POLRMT: variants seen among roughly 807,000 people sequenced by gnomAD.
POLRMT encodes RNA polymerase mitochondrial.
In POLRMT, 114 loss-of-function variants were observed where a neutral mutation model predicts 132.2. The observed-to-expected ratio is 0.86, with a 90% CI of 0.74 to 1.01. The LOEUF (loss-of-function observed/expected upper bound fraction) is 1.01. Ranked by LOEUF, POLRMT falls within the 50% of genes least tolerant of loss-of-function variation. POLRMT has a pLI of 0.00. For missense variants in POLRMT, 2,003 were observed against 1,729.1 expected (o/e 1.16, Z -2.81); for synonymous variants, 1,020 against 773.4 (o/e 1.32, Z -5.29).
chr19:618,258 G>A lies in POLRMT; in HGVS notation c.3422+230C>T, dbSNP rs190023149. On this transcript the variant is annotated intron_variant, in intron 17 of 20. Coordinates refer to ENST00000588649, the MANE Select transcript of POLRMT (RefSeq NM_005035.4). ...TGCCAAGAAATGCCCAGCAGGAAGG[G>A]GCAGCGCCCATGCTCGGCTCTCCCT... 4.9e-4 allele frequency: 276 copies of A among 566,042 alleles called. 1 individual carries two copies. Among genetic ancestry groups the A allele is most frequent in the African/African-American group, 4.7e-3 (251 of 53,502 alleles). The allele number at this position is 566,042 out of a possible 1,614,324, so 35.1% of individuals were successfully genotyped here.
At chr19:620,521 C>T (rs546616967) in intron 10 of POLRMT, 34 bp from the exon 11 acceptor site, 8 of 1,509,018 alleles carry the variant, frequency 5.3e-6, no homozygotes, top group African/African-American at 2.8e-5. Flanking sequence ...CAGTGAGGCC[C>T]GGGCCCGATC....
At position 618,172 on chromosome 19, in the gene POLRMT, G is replaced by A. The variant is rs555256233; in HGVS notation, c.3422+316C>T. On this transcript the variant is annotated intron_variant, in intron 17 of 20. Coordinates refer to ENST00000588649, the MANE Select transcript of POLRMT (RefSeq NM_005035.4). ...CGCATCCTGAGCATTCCCAGCTCCC[G>A]TGGCCGGTAGATTCTGCTGGAACGA... 20 of 548,406 alleles carry A rather than the reference G, an allele frequency of 3.6e-5. 1 individual carries two copies. The highest frequency in any genetic ancestry group is 9.8e-4 in the Middle Eastern group (2 of 2,046). The allele number at this position is 548,406 out of a possible 1,614,324, so 34.0% of individuals were successfully genotyped here.
At chr19:624,344 T>C (rs1984862472) in intron 5 of POLRMT, among the ~76,000 whole-genome samples, 1 of 151,818 alleles carries the variant, frequency 6.6e-6, no homozygotes, top group African/African-American at 2.4e-5. Context: ...CATTCTAGAA[T>C]TAGACAACCG....
rs201473800 is a variant in POLRMT at position 624,763 on chromosome 19, G to A, written c.1096C>T (p.Pro366Ser). The change falls in exon 5 of 21, where the codon CCC becomes TCC. Residue 366 changes from proline to serine, a missense_variant. Pro to Ser is a moderately conservative substitution (Grantham distance 74). Transcript: ENST00000588649. ...PTFSLPPQLP[P>S]PVNTSKLLRD... ...AGCAGCTTGGAGGTGTTGACCGGGG[G>A]CGGCAGCTGCGGCGGGAGGCTGAAG... 1.6e-4 allele frequency: 253 copies of A among 1,613,852 alleles called. No homozygotes were observed. The East Asian group carries it at 5.2e-3, about 33-fold the overall frequency.
intron 16 of POLRMT, 36 bp from the exon 17 acceptor site, chr19:618,622 G>C (rs1984215579): frequency 6.3e-7 from 1 of 1,599,406 alleles, no homozygotes. Context: ...GGGCGGCCCA[G>C]GGACACCCCT....
Position 622,895 on chromosome 19 carries a change from A to C in POLRMT, c.1381T>G (p.Tyr461Asp). ...ETKNRLEREV[Y>D]EGRFSLYPFL... ...GGGTAAAGTGAGAACCGGCCCTCGT[A>C]CACCTCGCGCTCTAGGCGGTTCTTG... is the stretch of plus-strand genomic sequence containing the variant. The change falls in exon 7 of 21, where the codon TAC (tyrosine) becomes GAC (aspartate). Residue 461 changes from tyrosine to aspartate, a missense_variant. Transcript: ENST00000588649. 3.1e-6 allele frequency: 5 copies of C among 1,612,084 alleles called. No individual in the cohort carries two copies. The highest frequency in any genetic ancestry group is 4.2e-6 in the Non-Finnish European group (5 of 1,179,622).
chr19:619,385 G>A, intron 13 of POLRMT, 89 bp from the exon 14 acceptor site: 2 of 1,459,744 alleles, frequency 1.4e-6, no homozygotes, highest in South Asian at 1.2e-5. Flanking sequence ...TGAGGCCCAA[G>A]GCCTAGGGCC....
chr19:621,113 G>C lies in POLRMT; in HGVS notation c.2585C>G (p.Ala862Gly), dbSNP rs534157418. ...GTCATCCATCACCTCCTCCGCAAAG[G>C]CCAGGCGCTTCCGCAGCGGCTCCCG... ...KKREPLRKRL[A>G]FAEEVMDDIL... The change falls in exon 10 of 21, where the codon GCC becomes GGC. Residue 862 changes from alanine (A) to glycine (G), a missense_variant. Coordinates refer to ENST00000588649, the MANE Select transcript of POLRMT (RefSeq NM_005035.4). 3.1e-6 allele frequency: 5 copies of C among 1,609,966 alleles called. No homozygotes were observed. Among genetic ancestry groups the C allele is most frequent in the South Asian group, 2.2e-5 (2 of 90,980 alleles).
chr19:623,645 G>T, intron 5 of POLRMT, 42 bp from the exon 6 acceptor site: 9 of 1,602,360 alleles, frequency 5.6e-6, no homozygotes, highest in Non-Finnish European at 6.8e-6. Flanking sequence ...TTGCCAGAGG[G>T]CGACCTGCCC....
chr19:617,377 CCG>C, intron 20 of POLRMT, 40 bp downstream of exon 20: 1 of 1,612,388 alleles, frequency 6.2e-7, no homozygotes, highest in Non-Finnish European at 8.5e-7. Context: ...CCGCCCTGGC[CCG>C]CAGTTCGAGC....
Position 619,673 on chromosome 19 carries a change from C to T in POLRMT, c.2979G>A (p.Thr993=), listed in dbSNP as rs1454763003. 4 of 1,610,438 alleles carry T rather than the reference C, an allele frequency of 2.5e-6. No individual in the cohort carries two copies. Among genetic ancestry groups the T allele is most frequent in the African/African-American group, 1.3e-5 (1 of 74,846 alleles). Residue 993 remains threonine (T), a synonymous_variant, in exon 13 of 21, where the codon ACG becomes ACA. Transcript: ENST00000588649. ...TGACCCCGTACACCACCGTCATCAC[C>T]GTCTGCTTCACCACCTTGCGGGTGA... is the stretch of plus-strand genomic sequence containing the variant. ...GFITRKVVKQ[T]VMTVVYGVTR...
chr19:627,043 G>A lies in POLRMT; in HGVS notation c.823-1789C>T, dbSNP rs545040809. On this transcript the variant is annotated intron_variant, in intron 3 of 20. Coordinates refer to ENST00000588649, the MANE Select transcript of POLRMT (RefSeq NM_005035.4). The stretch of plus-strand genomic sequence containing the variant: ...TAACTGTAACAGACTATTCCAAAGG[G>A]AAAAAAATTCCCTTACATCCTCCCA... Among the ~76,000 whole-genome samples the A allele has an allele frequency of 1.7e-3, 254 of 151,576 alleles. 1 individual carries two copies. Among genetic ancestry groups the A allele is most frequent in the African/African-American group, 5.8e-3 (242 of 41,380 alleles).
intron 3 of POLRMT, among the ~76,000 whole-genome samples, chr19:628,388 G>C (rs1164837948): frequency 6.6e-6 from 1 of 152,212 alleles, no homozygotes; most frequent in Non-Finnish European, 1.5e-5. Context: ...GCAGCAAGGA[G>C]GAACCAGGCA....
chr19:628,394 AG>A (rs1985172221), intron 3 of POLRMT, among the ~76,000 whole-genome samples: 1 of 152,250 alleles, frequency 6.6e-6, no homozygotes, highest in South Asian at 2.1e-4. Context: ...AGGAGGAACC[AG>A]GCAGCACGCC....
At position 619,478 on chromosome 19, in the gene POLRMT, G is replaced by A. The variant is rs961454465; in HGVS notation, c.3066+108C>T. 1.2e-5 allele frequency: 18 copies of A among 1,465,096 alleles called. No homozygotes were observed. The South Asian group carries it at 2.2e-4, about 18-fold the overall frequency. The allele number at this position is 1,465,096 out of a possible 1,614,324, so 90.8% of individuals were successfully genotyped here. On this transcript the variant is annotated intron_variant, in intron 13 of 20. Coordinates refer to ENST00000588649, the MANE Select transcript of POLRMT (RefSeq NM_005035.4). ...AGCCCTAACAGGCAGCCAGTGGTCTGGGGGAGCAGCCAGGGCTCCTGCTGG... is the reference window on the plus strand; with the variant it reads ...AGCCCTAACAGGCAGCCAGTGGTCTAGGGGAGCAGCCAGGGCTCCTGCTGG...
At chr19:620,564 G>A (rs1054056634) in intron 10 of POLRMT, 77 bp from the exon 11 acceptor site, 113 of 1,438,828 alleles carry the variant, frequency 7.9e-5, no homozygotes, top group Non-Finnish European at 9.2e-5. Flanking sequence ...GTTGCGGGGA[G>A]GTGGGAAATG....
In POLRMT at chr19:618,149, C is replaced by A. The variant is rs1264215446; in HGVS notation, c.3423-300G>T. 1.4e-5 allele frequency: 8 copies of A among 564,178 alleles called. No homozygotes were observed. In the Admixed American group the frequency reaches 1.6e-4, roughly 11 times the overall value. The allele number at this position is 564,178 out of a possible 1,614,324, so 34.9% of individuals were successfully genotyped here. A position where few individuals can be genotyped will look rare whatever the true frequency, so the allele number is the denominator to read the frequency against. On this transcript the variant is annotated intron_variant, in intron 17 of 20. Transcript: ENST00000588649. ...CCCTCCTGCCAGGGCCACCACCCCG[C>A]ATCCTGAGCATTCCCAGCTCCCGTG...
Position 622,896 on chromosome 19 carries a change from C to T in POLRMT, c.1380G>A (p.Val460=), listed in dbSNP as rs763968979. ...RETKNRLERE[V]YEGRFSLYPF... ...GGTAAAGTGAGAACCGGCCCTCGTA[C>T]ACCTCGCGCTCTAGGCGGTTCTTGG... Residue 460 remains valine (V), a synonymous_variant, in exon 7 of 21, where the codon GTG becomes GTA. Coordinates refer to ENST00000588649, the MANE Select transcript of POLRMT (RefSeq NM_005035.4). 3.7e-6 allele frequency: 6 copies of T among 1,612,072 alleles called. No individual in the cohort carries two copies. Among genetic ancestry groups the T allele is most frequent in the East Asian group, 4.5e-5 (2 of 44,846 alleles).
At chr19:618,216 C>A (rs1984166924) in intron 17 of POLRMT, 2 of 551,790 alleles carry the variant, frequency 3.6e-6, no homozygotes, top group African/African-American at 3.8e-5. Context: ...TGCTCCAGAT[C>A]TAACCACACA....
Sources: gnomAD v4.1 joint callset for allele counts (sites outside exome capture counted in the v4.1 genomes callset) on GRCh38, gnomAD v4.1.1 for gene constraint, MANE v1.5 for transcripts, NCBI Gene and HGNC (gene_info 2026-07-23, HGNC 2026-07-21) for gene names.